ZNF718: variants seen among roughly 807,000 people sequenced by gnomAD.
ZNF718 encodes zinc finger protein 718.
Under a neutral mutation model 2.6 loss-of-function variants are expected in ZNF718, and 3 were observed. The ratio of observed to expected loss-of-function variants is 1.16; its 90% confidence interval spans 0.53 to 3.01. The LOEUF is 3.01. Ranked by LOEUF, ZNF718 falls within the 30% of genes most tolerant of loss-of-function variation. The pLI is 0.03. For synonymous variants in ZNF718, 135 were observed against 77.9 expected (o/e 1.73, Z -3.86); for missense variants, 468 against 230.0 (o/e 2.03, Z -6.69).
At chr4:201,010 G>A (rs1297416476) in intron 3 of ZNF718, 2 of 152,282 alleles carry the variant, frequency 1.3e-5, no homozygotes, top group Non-Finnish European at 2.9e-5. Context: ...GAGTAGTAAT[G>A]AGTGGTTTTA....
chr4:126,022 T>C (rs1000164771), intron 1 of ZNF718, among the ~76,000 whole-genome samples: 11 of 152,350 alleles, frequency 7.2e-5, no homozygotes, highest in Middle Eastern at 6.8e-3. Flanking sequence ...TGCGTAGCCC[T>C]GCCTGGGCCT....
At chr4:150,766 G>A (rs1405154796) in intron 3 of ZNF718, among the ~76,000 whole-genome samples, 1 of 151,994 alleles carries the variant, frequency 6.6e-6, no homozygotes, top group Non-Finnish European at 1.5e-5. Flanking sequence ...TACAAAGAAA[G>A]TAGAACTTTT....
chr4:201,146 G>A (rs1717891564), exon 4 of ZNF718: 1 of 152,186 alleles, frequency 6.6e-6, no homozygotes, highest in African/African-American at 2.4e-5. Flanking sequence ...CACCACCACA[G>A]CAGTTAATTT....
At chr4:195,764 T>G (rs1266822925) in intron 3 of ZNF718, among the ~76,000 whole-genome samples, 2 of 152,216 alleles carry the variant, frequency 1.3e-5, no homozygotes, top group Non-Finnish European at 2.9e-5. Flanking sequence ...GTCTACGGGC[T>G]GTCAGTGGTC....
chr4:146,773 GT>G (rs150115499), intron 3 of ZNF718, among the ~76,000 whole-genome samples: 86 of 145,160 alleles, frequency 5.9e-4, no homozygotes, highest in African/African-American at 1.7e-3. Flanking sequence ...TTGCTGGGGT[GT>G]TTTTTTTTTA....
intron 3 of ZNF718, among the ~76,000 whole-genome samples, chr4:181,159 T>A (rs910484289): frequency 7.5e-4 from 49 of 65,658 alleles, no homozygotes; most frequent in Admixed American, 1.4e-3. Flanking sequence ...AGTGCCCAGC[T>A]TTTTTTTTTT....
intron 3 of ZNF718, among the ~76,000 whole-genome samples, chr4:178,656 TC>T (rs1553819422): frequency 6.6e-6 from 1 of 152,210 alleles, no homozygotes; most frequent in East Asian, 1.9e-4. Flanking sequence ...ATTTTGATGA[TC>T]CTTTCAAATG....
chr4:170,493 C>T (rs927355788), intron 3 of ZNF718, among the ~76,000 whole-genome samples: 7 of 152,158 alleles, frequency 4.6e-5, no homozygotes, highest in South Asian at 2.1e-4. Flanking sequence ...ACCAATCAGA[C>T]GTAGATTTGG....
At chr4:197,494 C>T (rs1255730857) in intron 3 of ZNF718, among the ~76,000 whole-genome samples, 1 of 152,180 alleles carries the variant, frequency 6.6e-6, no homozygotes, top group African/African-American at 2.4e-5. Flanking sequence ...TCAATGCATT[C>T]CACCAAGATT....
chr4:190,294 G>A (rs1717665561), intron 3 of ZNF718, among the ~76,000 whole-genome samples: 2 of 152,014 alleles, frequency 1.3e-5, no homozygotes. Context: ...GCCAGGCGTG[G>A]TGATGGGCGC....
At position 161,625 on chromosome 4, in the gene ZNF718, G is replaced by A. The variant is rs146072783; in HGVS notation, c.940G>A (p.Glu314Lys). ...IHAGEKPFSCEECGNVFTTSS... is the reference protein window; with the variant it reads ...IHAGEKPFSCKECGNVFTTSS... ...TGCTGGAGAGAAACCCTTCTCATGC[G>A]AAGAATGTGGCAATGTCTTTACCAC... Residue 314 changes from glutamate (E) to lysine (K), a missense_variant, in exon 4 of 4, where the codon GAA becomes AAA. Coordinates refer to ENST00000510175, the MANE Select transcript of ZNF718 (RefSeq NM_001039127.6). 8.7e-4 allele frequency: 682 copies of A among 780,080 alleles called. 3 individuals carry two copies. The African/African-American group carries it at 9.9e-3, about 11-fold the overall frequency. The allele number at this position is 780,080 out of a possible 1,614,324, so 48.3% of individuals were successfully genotyped here.
chr4:161,727 T>G lies in ZNF718; in HGVS notation c.1042T>G (p.Phe348Val). Residue 348 changes from phenylalanine (F) to valine (V), a missense_variant, in exon 4 of 4, where the codon TTT (phenylalanine) becomes GTT (valine). Phe to Val is a conservative substitution (Grantham distance 50). Transcript: ENST00000510175. ...PYKCEECGKS[F>V]NRSTTLTTHK... The stretch of plus-strand genomic sequence containing the variant: ...CAAATGTGAAGAATGTGGAAAATCC[T>G]TTAATAGGTCCACAACTCTTACGAC... The G allele has an allele frequency of 1.3e-6, 1 of 779,512 alleles. No individual in the cohort carries two copies. 48.3% of individuals were successfully genotyped at this position (779,512 alleles called of 1,614,324 possible).
At chr4:143,615 G>T (rs901234016) in intron 3 of ZNF718, among the ~76,000 whole-genome samples, 4 of 152,304 alleles carry the variant, frequency 2.6e-5, no homozygotes, top group Admixed American at 2.6e-4. Flanking sequence ...ATAAATTCTA[G>T]AACAAATCAG....
At chr4:200,264 T>C (rs1023006795) in intron 3 of ZNF718, among the ~76,000 whole-genome samples, 6 of 152,108 alleles carry the variant, frequency 3.9e-5, no homozygotes, top group Non-Finnish European at 7.4e-5. Context: ...TGTTTGTTTG[T>C]TTATTTGTTT....
chr4:174,590 G>A (rs1717311320), intron 3 of ZNF718, among the ~76,000 whole-genome samples: 1 of 152,164 alleles, frequency 6.6e-6, no homozygotes, highest in African/African-American at 2.4e-5. Context: ...AATTAATTCA[G>A]CCTGTTCAGC....
intron 3 of ZNF718, among the ~76,000 whole-genome samples, chr4:137,697 T>C (rs1265441193): frequency 6.6e-6 from 1 of 152,248 alleles, no homozygotes; most frequent in Non-Finnish European, 1.5e-5. Context: ...TTACTCTTTG[T>C]TGACTTTTTG....
At chr4:180,572 T>A (rs1404974569) in intron 3 of ZNF718, among the ~76,000 whole-genome samples, 4 of 152,208 alleles carry the variant, frequency 2.6e-5, no homozygotes, top group Admixed American at 2.6e-4. Flanking sequence ...AACCAGGACC[T>A]TCCAGGTATT....
At chr4:196,032 CCT>C (rs1717785758) in intron 3 of ZNF718, among the ~76,000 whole-genome samples, 1 of 151,354 alleles carries the variant, frequency 6.6e-6, no homozygotes, top group Non-Finnish European at 1.5e-5. Flanking sequence ...TCTCTCTCTC[CCT>C]CTCTCTCCCT....
In ZNF718 at chr4:163,315, A is replaced by G. The variant is rs1431524100; in HGVS notation, c.*1193A>G. On this transcript the variant is annotated 3_prime_UTR_variant, in exon 4 of 4. Coordinates refer to ENST00000510175, the MANE Select transcript of ZNF718 (RefSeq NM_001039127.6). ...GCCATTCTCCTGCCTCAGCCTCCCA[A>G]GTAGCTGGGACTACAGGCGCCCGCC... The G allele has an allele frequency of 1.3e-5, 2 of 151,632 alleles. No individual in the cohort carries two copies. The highest frequency in any genetic ancestry group is 3.9e-4 in the East Asian group (2 of 5,162). The allele number at this position is 151,632 out of a possible 1,614,324, so 9.4% of individuals were successfully genotyped here. A position where few individuals can be genotyped will look rare whatever the true frequency, so the allele number is the denominator to read the frequency against.
Sources: allele counts gnomAD v4.1 joint callset (sites outside exome capture counted in the v4.1 genomes callset), GRCh38; gene constraint gnomAD v4.1.1; transcripts MANE v1.5; gene names NCBI Gene and HGNC (gene_info 2026-07-23, HGNC 2026-07-21).